ASTN1: variants seen among roughly 807,000 people sequenced by gnomAD.
ASTN1 encodes astrotactin-1.
A neutral mutation model predicts 140.7 loss-of-function variants in ASTN1; 41 were observed. The ratio of observed to expected loss-of-function variants is 0.29; its 90% confidence interval spans 0.23 to 0.38. The LOEUF is 0.38. ASTN1 is among the 10% of genes least tolerant of loss of function. ASTN1 has a pLI of 1.00. For synonymous variants in ASTN1, 640 were observed against 652.2 expected (o/e 0.98, Z 0.29); for missense variants, 1,479 against 1,678.8 (o/e 0.88, Z 2.08).
intron 1 of ASTN1, among the ~76,000 whole-genome samples, chr1:177,075,079 T>A (rs1245595447): frequency 6.6e-6 from 1 of 151,958 alleles, no homozygotes; most frequent in East Asian, 1.9e-4. Flanking sequence ...AATTTCTTGC[T>A]TTTTTTTATT....
At chr1:177,088,293 A>C (rs1023211594) in intron 1 of ASTN1, among the ~76,000 whole-genome samples, 1 of 152,142 alleles carries the variant, frequency 6.6e-6, no homozygotes, top group Non-Finnish European at 1.5e-5. Flanking sequence ...GCCAGACCAA[A>C]GTTCCATTGC....
At chr1:177,036,659 G>A (rs1414335671) in intron 2 of ASTN1, among the ~76,000 whole-genome samples, 1 of 152,060 alleles carries the variant, frequency 6.6e-6, no homozygotes, top group Admixed American at 6.5e-5. Context: ...GCTTGAGCAG[G>A]TAGCACGTAG....
At chr1:176,874,049 C>T (rs1394354431) in intron 21 of ASTN1, among the ~76,000 whole-genome samples, 1 of 152,170 alleles carries the variant, frequency 6.6e-6, no homozygotes, top group African/African-American at 2.4e-5. Context: ...TGATGTCCCA[C>T]CACCTGCTGC....
At chr1:177,021,745 C>A (rs1571662217) in intron 7 of ASTN1, among the ~76,000 whole-genome samples, 1 of 152,194 alleles carries the variant, frequency 6.6e-6, no homozygotes, top group Admixed American at 6.5e-5. Context: ...GCATCCAAAG[C>A]TCCCCCCGGG....
Position 177,074,084 on chromosome 1 carries a change from G to T in ASTN1, c.284-12819C>A, listed in dbSNP as rs560578993. Among the ~76,000 whole-genome samples, 23 of 152,140 alleles carry T rather than the reference G, an allele frequency of 1.5e-4. No homozygotes were observed. In the East Asian group the frequency reaches 2.9e-3, roughly 19 times the overall value. On this transcript the variant is annotated intron_variant, in intron 1 of 22. Transcript: ENST00000361833. ...TTCATGTAGGGTCAGTGTTTTCAGA[G>T]AATGATTTTAATGAACTCTAAGTTA...
At chr1:177,005,884 C>T (rs940554615) in intron 8 of ASTN1, among the ~76,000 whole-genome samples, 15 of 152,220 alleles carry the variant, frequency 9.9e-5, no homozygotes, top group African/African-American at 3.4e-4. Flanking sequence ...GCTGGGATTA[C>T]AAGCGTGAGC....
intron 17 of ASTN1, among the ~76,000 whole-genome samples, chr1:176,891,733 C>T (rs1263065762): frequency 6.6e-6 from 1 of 152,082 alleles, no homozygotes; most frequent in Non-Finnish European, 1.5e-5. Flanking sequence ...GAGGAGGTTG[C>T]AGTGAGCCAA....
chr1:177,014,760 G>A, intron 8 of ASTN1, 31 bp downstream of exon 8: 1 of 1,576,922 alleles, frequency 6.3e-7, no homozygotes, highest in Non-Finnish European at 8.7e-7. Context: ...TGATATGTGG[G>A]AACCAGCTAA....
intron 8 of ASTN1, among the ~76,000 whole-genome samples, chr1:177,009,239 G>A (rs1271254446): frequency 6.6e-6 from 1 of 152,150 alleles, no homozygotes; most frequent in African/African-American, 2.4e-5. Context: ...ATTGATTTTG[G>A]ATCTTTTTGA....
At chr1:176,864,647 T>C in intron 22 of ASTN1, 126 bp from the exon 23 acceptor site, 2 of 1,373,486 alleles carry the variant, frequency 1.5e-6, no homozygotes, top group South Asian at 3.0e-5. Context: ...CTCCCTATTT[T>C]ATCTTTGGCA....
chr1:177,062,758 T>C (rs1396879406), intron 1 of ASTN1, among the ~76,000 whole-genome samples: 1 of 152,162 alleles, frequency 6.6e-6, no homozygotes, highest in Non-Finnish European at 1.5e-5. Context: ...AGGGCACAAC[T>C]GATGTTATTT....
At chr1:176,921,951 C>A (rs148799677) in intron 16 of ASTN1, among the ~76,000 whole-genome samples, 15 of 152,176 alleles carry the variant, frequency 9.9e-5, no homozygotes, top group Middle Eastern at 6.8e-3. Flanking sequence ...GACATTCACT[C>A]GTTTATTCAA....
intron 8 of ASTN1, among the ~76,000 whole-genome samples, chr1:177,003,228 C>T (rs1015080540): frequency 1.3e-5 from 2 of 151,034 alleles, no homozygotes; most frequent in African/African-American, 4.9e-5. Flanking sequence ...TGAAAATAGA[C>T]GCAAAAACTC....
At position 176,949,300 on chromosome 1, in the gene ASTN1, G is replaced by A. The variant is rs1237890738; in HGVS notation, c.1939C>T (p.His647Tyr). Residue 647 changes from histidine (H) to tyrosine (Y), a missense_variant, in exon 12 of 23, where the codon CAC (histidine) becomes TAC (tyrosine). This residue lies in a region of ASTN1 where 729 missense variants were observed against 860.4 expected (regional missense o/e 0.85). Transcript: ENST00000361833. ...CCGTCGGAACAGTCCACCCCGATGT[G>A]GCGGTCATAGCAGCCAGAGCTGTCC... Reference protein sequence around the residue: ...MKDSSGCYDRHIGVDCSDGFN... With the variant: ...MKDSSGCYDRYIGVDCSDGFN... The A allele has an allele frequency of 1.2e-6, 2 of 1,614,120 alleles. No homozygotes were observed. Among genetic ancestry groups the A allele is most frequent in the Admixed American group, 1.7e-5 (1 of 60,020 alleles).
At chr1:177,163,717 C>T (rs1169300133) in intron 1 of ASTN1, among the ~76,000 whole-genome samples, 1 of 152,176 alleles carries the variant, frequency 6.6e-6, no homozygotes, top group Admixed American at 6.5e-5. Flanking sequence ...TGTATAATAT[C>T]TTTAACCAAC....
intron 8 of ASTN1, among the ~76,000 whole-genome samples, chr1:177,008,031 T>C (rs1473256688): frequency 6.6e-6 from 1 of 152,126 alleles, no homozygotes; most frequent in Non-Finnish European, 1.5e-5. Flanking sequence ...AAGTTACATG[T>C]TTTCGCTTGA....
At chr1:177,148,618 C>T (rs1254034532) in intron 1 of ASTN1, among the ~76,000 whole-genome samples, 1 of 150,618 alleles carries the variant, frequency 6.6e-6, no homozygotes, top group Non-Finnish European at 1.5e-5. Flanking sequence ...GGCAAGGACT[C>T]TCTTTTTTCT....
chr1:177,092,367 A>G (rs1481794309), intron 1 of ASTN1, among the ~76,000 whole-genome samples: 1 of 152,142 alleles, frequency 6.6e-6, no homozygotes, highest in African/African-American at 2.4e-5. Context: ...TTTATTGTTG[A>G]GTTGTAGGAG....
intron 13 of ASTN1, 142 bp from the exon 14 acceptor site, chr1:176,944,160 C>T: frequency 1.8e-6 from 2 of 1,125,320 alleles, no homozygotes; most frequent in Non-Finnish European, 2.5e-6. Context: ...TCACCGCAAC[C>T]TCTGCCTCCA....
Sources: gnomAD v4.1 joint callset for allele counts (sites outside exome capture counted in the v4.1 genomes callset) on GRCh38, gnomAD v4.1.1 for gene constraint, gnomAD v4.1.1 regional missense constraint, MANE v1.5 for transcripts, NCBI Gene and HGNC (gene_info 2026-07-23, HGNC 2026-07-21) for gene names.